The following KIAA1549 variants were observed in gnomAD, a reference collection of about 807,000 sequenced individuals.
The protein encoded by KIAA1549 is KIAA1549, also known as UPF0606 protein KIAA1549.
In KIAA1549, 70 loss-of-function variants were observed where a neutral mutation model predicts 156.4. The observed-to-expected ratio is 0.45, with a 90% CI of 0.37 to 0.55. KIAA1549 has a LOEUF of 0.55. Ranked by LOEUF, KIAA1549 falls within the 20% of genes least tolerant of loss-of-function variation. The probability of loss-of-function intolerance (pLI) is 0.00; values close to 1 mark genes in which losing one functional copy is unlikely to be tolerated. For missense variants in KIAA1549, 2,428 were observed against 2,540.9 expected (o/e 0.96, Z 0.96); for synonymous variants, 1,103 against 1,066.4 (o/e 1.03, Z -0.67).
At chr7:138,892,506 CT>C (rs1639330396) in intron 10 of KIAA1549, among the ~76,000 whole-genome samples, 1 of 152,160 alleles carries the variant, frequency 6.6e-6, no homozygotes, top group Non-Finnish European at 1.5e-5. Context: ...ATACCCAGCA[CT>C]TTTTTTCCAG....
At position 138,949,376 on chromosome 7, in the gene KIAA1549, G is replaced by A. The variant is rs149581257; in HGVS notation, c.188-29938C>T. ...ACACAAAATGTTCTGTCATATAGAC[G>A]AAGTGATAATGTCAGGATAGACCCG... On this transcript the variant is annotated intron_variant, in intron 1 of 19. Coordinates refer to ENST00000422774, the MANE Select transcript of KIAA1549 (RefSeq NM_001164665.2). Among the ~76,000 whole-genome samples the A allele has an allele frequency of 1.1e-4, 17 of 152,242 alleles. No individual in the cohort carries two copies. In the East Asian group the frequency reaches 2.7e-3, roughly 24 times the overall value.
chr7:138,972,373 C>T (rs1814246072), intron 1 of KIAA1549, among the ~76,000 whole-genome samples: 1 of 148,618 alleles, frequency 6.7e-6, no homozygotes, highest in Non-Finnish European at 1.5e-5. Context: ...CGCCCTCCCC[C>T]ACCTCTCTCT....
At chr7:138,855,204 T>C (rs1347701896) in intron 16 of KIAA1549, among the ~76,000 whole-genome samples, 4 of 152,154 alleles carry the variant, frequency 2.6e-5, no homozygotes, top group African/African-American at 9.7e-5. Context: ...AGATGAGCCT[T>C]TCCCTTTGGA....
Position 138,918,952 on chromosome 7 carries a change from G to A in KIAA1549, c.674C>T (p.Ser225Phe). 1 of 1,614,034 alleles carries A rather than the reference G, an allele frequency of 6.2e-7. No homozygotes were observed. Among genetic ancestry groups the A allele is most frequent in the Non-Finnish European group, 8.5e-7 (1 of 1,179,902 alleles). Residue 225 changes from serine (S) to phenylalanine (F), a missense_variant, in exon 2 of 20, where the codon TCC becomes TTC. Physicochemically the swap from Ser to Phe is radical, Grantham distance 155. This residue lies in a region of KIAA1549 where 893 missense variants were observed against 847.9 expected (regional missense o/e 1.05). Transcript: ENST00000422774. This position sits in a 1 kb window ranked among gnomAD's most constrained non-coding sequence, Gnocchi z 4.2. Reference sequence around the variant, plus strand: ...CCGAAAGGTGTGGAAATGACTGGCGGACTCAGCATATGCCGCTGGTTGTCG... The same window carrying A: ...CCGAAAGGTGTGGAAATGACTGGCGAACTCAGCATATGCCGCTGGTTGTCG... ...TTRQPAAYAE[S>F]ASHFHTFRSA...
At chr7:138,966,416 G>GT (rs1041219623) in intron 1 of KIAA1549, among the ~76,000 whole-genome samples, 1 of 151,988 alleles carries the variant, frequency 6.6e-6, no homozygotes, top group Non-Finnish European at 1.5e-5. Context: ...ACACAGAGGA[G>GT]TTTATTAAGG....
At chr7:138,914,984 G>GGA (rs1420227562) in intron 2 of KIAA1549, among the ~76,000 whole-genome samples, 1 of 152,120 alleles carries the variant, frequency 6.6e-6, no homozygotes, top group Non-Finnish European at 1.5e-5. Context: ...TTTGTAAGAA[G>GGA]GAAGAAAAGT....
In KIAA1549 at chr7:138,832,191, C is replaced by CTT. The variant is rs749938588; in HGVS notation, c.*5713_*5714dup. The stretch of plus-strand genomic sequence containing the variant: ...TCACCTCTGTCCCTTTTACCTATTC[C>CTT]TTTTTTTTTTTTTTTTTTTTCCAGA... On this transcript the variant is annotated 3_prime_UTR_variant, in exon 20 of 20. Transcript: ENST00000422774. 753 of 143,630 alleles carry CTT rather than the reference C, an allele frequency of 5.2e-3. 13 individuals carry two copies. Among genetic ancestry groups the CTT allele is most frequent in the South Asian group, 0.041 (151 of 3,684 alleles). 8.9% of individuals were successfully genotyped at this position (143,630 alleles called of 1,614,324 possible).
At chr7:138,840,002 G>C in intron 19 of KIAA1549, 131 bp downstream of exon 19, 1 of 724,090 alleles carries the variant, frequency 1.4e-6, no homozygotes, top group Non-Finnish European at 2.2e-6. Context: ...ACATTGGCCA[G>C]GCTGGTCTCA....
chr7:138,853,255 G>C (rs1380822319), intron 16 of KIAA1549, among the ~76,000 whole-genome samples: 1 of 152,182 alleles, frequency 6.6e-6, no homozygotes, highest in Non-Finnish European at 1.5e-5. Context: ...TTTACAAGCT[G>C]TCATTTACTG....
intron 1 of KIAA1549, among the ~76,000 whole-genome samples, chr7:138,980,393 AAC>A (rs1334567248): frequency 6.6e-6 from 1 of 152,242 alleles, no homozygotes; most frequent in African/African-American, 2.4e-5. Context: ...CATACTGATG[AAC>A]AGTCACTAAA....
At chr7:138,945,152 T>C (rs1813300973) in intron 1 of KIAA1549, among the ~76,000 whole-genome samples, 1 of 152,246 alleles carries the variant, frequency 6.6e-6, no homozygotes, top group Non-Finnish European at 1.5e-5. Context: ...ATAGTGTCTC[T>C]CACAGAGGAG....
In KIAA1549 at chr7:138,831,417, T is replaced by C. The variant is rs963872477; in HGVS notation, c.*6489A>G. ...TTCATAGCATTTATTGACATTTCCA[T>C]TTAAAATGCTAGGAAAGCTGTATAA... On this transcript the variant is annotated 3_prime_UTR_variant, in exon 20 of 20. Coordinates refer to ENST00000422774, the MANE Select transcript of KIAA1549 (RefSeq NM_001164665.2). The C allele has an allele frequency of 7.1e-5, 14 of 198,516 alleles. No homozygotes were observed. Among genetic ancestry groups the C allele is most frequent in the Non-Finnish European group, 1.0e-4 (10 of 96,096 alleles). The allele number at this position is 198,516 out of a possible 1,614,324, so 12.3% of individuals were successfully genotyped here.
intron 1 of KIAA1549, among the ~76,000 whole-genome samples, chr7:138,963,991 A>G (rs1813935385): frequency 6.6e-6 from 1 of 152,260 alleles, no homozygotes; most frequent in Non-Finnish European, 1.5e-5. Context: ...ATGGCTCATC[A>G]TGGAATTTTA....
At chr7:138,921,158 G>C (rs549427248) in intron 1 of KIAA1549, among the ~76,000 whole-genome samples, 2 of 152,328 alleles carry the variant, frequency 1.3e-5, no homozygotes, top group South Asian at 2.1e-4. Flanking sequence ...GGCCCAGGAA[G>C]TGTCATAATC....
chr7:138,957,186 T>C (rs894584018), intron 1 of KIAA1549, among the ~76,000 whole-genome samples: 6 of 150,022 alleles, frequency 4.0e-5, no homozygotes, highest in African/African-American at 1.5e-4. Flanking sequence ...GCCAGAGCAA[T>C]ACGGTTAACA....
chr7:138,885,497 C>T lies in KIAA1549; in HGVS notation c.4033-3913G>A, dbSNP rs79589763. Among the ~76,000 whole-genome samples the T allele has an allele frequency of 9.2e-3, 1,408 of 152,318 alleles. 25 individuals carry two copies. The highest frequency in any genetic ancestry group is 0.032 in the African/African-American group (1,336 of 41,562). ...GCACCCTTGCAACATTATCTTCATA[C>T]ATTCTCTAATAAATCTGGCTTTCTT... On this transcript the variant is annotated intron_variant, in intron 10 of 19. Transcript: ENST00000422774.
At chr7:138,930,364 AACAAGAGAGTC>A (rs1001503059) in intron 1 of KIAA1549, among the ~76,000 whole-genome samples, 1 of 152,198 alleles carries the variant, frequency 6.6e-6, no homozygotes, top group African/African-American at 2.4e-5. Flanking sequence ...ATTGGCCCCT[AACAAGAGAGTC>A]AGCCATCCTT....
intron 4 of KIAA1549, among the ~76,000 whole-genome samples, chr7:138,910,728 C>T: frequency 1.0e-5 from 1 of 98,914 alleles, no homozygotes; most frequent in African/African-American, 4.5e-5. Flanking sequence ...TTTGTAGAGA[C>T]AGGGTTTCAT....
intron 1 of KIAA1549, among the ~76,000 whole-genome samples, chr7:138,961,618 T>C (rs965433832): frequency 1.3e-5 from 2 of 152,158 alleles, no homozygotes; most frequent in African/African-American, 4.8e-5. Context: ...TATAAACTAC[T>C]TTTTTCATGG....
Sources: gnomAD v4.1 joint callset for allele counts (sites outside exome capture counted in the v4.1 genomes callset) on GRCh38, gnomAD v4.1.1 for gene constraint, gnomAD v4.1.1 regional missense constraint, Gnocchi (gnomAD v3.1) non-coding constraint, MANE v1.5 for transcripts, NCBI Gene and HGNC (gene_info 2026-07-23, HGNC 2026-07-21) for gene names.